The following PFKFB3 variants were observed in gnomAD, a reference collection of about 807,000 sequenced individuals.
PFKFB3 encodes the protein 6-phosphofructo-2-kinase/fructose-2,6-biphosphatase 3.
In PFKFB3, 33 loss-of-function variants were observed where a neutral mutation model predicts 68.0. The ratio of observed to expected loss-of-function variants is 0.49; its 90% CI spans 0.37 to 0.65. The LOEUF is 0.65. Ranked by LOEUF, PFKFB3 falls within the 30% of genes least tolerant of loss-of-function variation. The pLI is 0.00. For synonymous variants in PFKFB3, 315 were observed against 288.2 expected (o/e 1.09, Z -0.94); for missense variants, 586 against 712.2 (o/e 0.82, Z 2.02).
intron 14 of PFKFB3, among the ~76,000 whole-genome samples, chr10:6,241,506 A>G (rs1176708544): frequency 6.6e-6 from 1 of 152,164 alleles, no homozygotes; most frequent in Non-Finnish European, 1.5e-5. Context: ...TCCGGAAGGG[A>G]GCAGTATCAA....
intron 1 of PFKFB3, among the ~76,000 whole-genome samples, chr10:6,148,519 A>G (rs185136334): frequency 2.4e-4 from 36 of 152,122 alleles, no homozygotes; most frequent in Non-Finnish European, 5.0e-4. Flanking sequence ...CATTGCCTTC[A>G]GGGCTCACAG....
intron 14 of PFKFB3, 88 bp from the exon 15 acceptor site, chr10:6,232,807 C>T (rs1052738420): frequency 1.1e-5 from 11 of 1,015,346 alleles, no homozygotes; most frequent in Admixed American, 1.1e-4. Context: ...GAAGAATTCT[C>T]CGTTGCATGG....
intron 1 of PFKFB3, among the ~76,000 whole-genome samples, chr10:6,183,615 ATAT>A (rs535111554): frequency 0.28 from 24,134 of 86,366 alleles, 2,450 homozygotes; most frequent in East Asian, 0.44. Flanking sequence ...AAAAAAAAAA[ATAT>A]ATATATATAT....
the PFKFB3 span, among the ~76,000 whole-genome samples, chr10:6,295,530 T>G: frequency 6.6e-6 from 1 of 150,562 alleles, no homozygotes; most frequent in African/African-American, 2.4e-5. Flanking sequence ...CCAGCCAATT[T>G]TTTTTTTTTT....
At chr10:6,199,869 C>T (rs1029472794), upstream of PFKFB3, among the ~76,000 whole-genome samples, 2 of 151,704 alleles carry the variant, frequency 1.3e-5, no homozygotes, top group African/African-American at 4.9e-5. Context: ...CTGACCTTTC[C>T]TTCCCAAACA....
chr10:6,168,362 T>C (rs1842201814), intron 1 of PFKFB3, among the ~76,000 whole-genome samples: 1 of 152,208 alleles, frequency 6.6e-6, no homozygotes, highest in African/African-American at 2.4e-5. Flanking sequence ...GGCAGAACGG[T>C]GGCTTCAGTC....
At chr10:6,200,909 G>A (rs551256756), upstream of PFKFB3, among the ~76,000 whole-genome samples, 47 of 152,308 alleles carry the variant, frequency 3.1e-4, no homozygotes, top group African/African-American at 1.1e-3. Context: ...AGAGATGAAT[G>A]ATGTGCCGCT....
At chr10:6,296,149 G>A in the PFKFB3 span, among the ~76,000 whole-genome samples, 1 of 151,888 alleles carries the variant, frequency 6.6e-6, no homozygotes, top group African/African-American at 2.4e-5. Context: ...TTTTTTTCTT[G>A]TTGCAAGAAT....
At chr10:6,292,699 A>G in the PFKFB3 span, among the ~76,000 whole-genome samples, 1 of 152,138 alleles carries the variant, frequency 6.6e-6, no homozygotes, top group South Asian at 2.1e-4. Context: ...TGTGTTAAAA[A>G]TGCAAACATC....
the PFKFB3 span, among the ~76,000 whole-genome samples, chr10:6,309,948 T>C: frequency 2.6e-4 from 40 of 152,344 alleles, no homozygotes; most frequent in Non-Finnish European, 4.6e-4. Context: ...TTTATATGAC[T>C]CTATTCACTT....
chr10:6,242,669 C>T (rs929084648), intron 14 of PFKFB3, among the ~76,000 whole-genome samples: 1 of 151,850 alleles, frequency 6.6e-6, no homozygotes, highest in Non-Finnish European at 1.5e-5. Context: ...CTCACTGCAA[C>T]CTCCACCTCC....
chr10:6,220,958 T>A lies in PFKFB3; in HGVS notation c.831+93T>A. The A allele has an allele frequency of 1.7e-6, 2 of 1,190,288 alleles. No homozygotes were observed. The highest frequency in any genetic ancestry group is 1.2e-5 in the South Asian group (1 of 81,852). The allele number at this position is 1,190,288 out of a possible 1,614,324, so 73.7% of individuals were successfully genotyped here. ...GGGAGCTGTGTGCTGCTGCTGCTGC[T>A]GCTGCTGCTGCTTGGTGTGCTTGCT... On this transcript the variant is annotated intron_variant, in intron 8 of 14. Transcript: ENST00000379775. This position sits in a 1 kb window ranked among gnomAD's most constrained non-coding sequence, Gnocchi z 4.1.
chr10:6,284,820 A>G, the PFKFB3 span, among the ~76,000 whole-genome samples: 7 of 152,186 alleles, frequency 4.6e-5, no homozygotes, highest in South Asian at 2.1e-4. Flanking sequence ...TACCTCATGT[A>G]AGTAGAATCA....
chr10:6,189,171 G>A (rs1564607768), intron 1 of PFKFB3, among the ~76,000 whole-genome samples: 1 of 152,094 alleles, frequency 6.6e-6, no homozygotes, highest in Non-Finnish European at 1.5e-5. Flanking sequence ...ATATTCAATT[G>A]TCTGTAAATT....
the PFKFB3 span, among the ~76,000 whole-genome samples, chr10:6,312,258 G>C: frequency 9.8e-4 from 150 of 152,304 alleles, no homozygotes; most frequent in African/African-American, 3.5e-3. Context: ...AGGTAGGATT[G>C]AAAGCTCCTT....
chr10:6,172,326 A>C (rs1842339909), intron 1 of PFKFB3, among the ~76,000 whole-genome samples: 1 of 152,196 alleles, frequency 6.6e-6, no homozygotes, highest in Non-Finnish European at 1.5e-5. Context: ...GAGGAGGCAG[A>C]GGAGTCCAAG....
At chr10:6,293,480 G>A in the PFKFB3 span, 3,115 of 211,588 alleles carry the variant, frequency 0.015, 97 homozygotes, top group African/African-American at 0.069. Context: ...TGAGTAGCTG[G>A]GATTATAGGT....
intron 1 of PFKFB3, among the ~76,000 whole-genome samples, chr10:6,194,191 A>G (rs1366472733): frequency 6.6e-6 from 1 of 150,554 alleles, no homozygotes; most frequent in Non-Finnish European, 1.5e-5. Flanking sequence ...GTCCCCAGCC[A>G]CCTACCGCAG....
chr10:6,306,148 C>T, the PFKFB3 span, among the ~76,000 whole-genome samples: 1 of 152,320 alleles, frequency 6.6e-6, no homozygotes, highest in Non-Finnish European at 1.5e-5. Flanking sequence ...ATCCTCCCGC[C>T]TGGGCCTCAT....
Sources: allele counts gnomAD v4.1 joint callset (sites outside exome capture counted in the v4.1 genomes callset), GRCh38; gene constraint gnomAD v4.1.1; non-coding constraint Gnocchi (gnomAD v3.1); transcripts MANE v1.5; gene names NCBI Gene and HGNC (gene_info 2026-07-23, HGNC 2026-07-21).